MAGT1: variants seen among roughly 807,000 people sequenced by gnomAD.
MAGT1 encodes dolichyl-diphosphooligosaccharide--protein glycosyltransferase subunit MAGT1.
Under a neutral mutation model 28.4 loss-of-function variants are expected in MAGT1, and 4 were observed. That is an observed-to-expected ratio of 0.14 (90% confidence interval 0.07 to 0.32). The LOEUF is 0.32. Among genes scored for constraint, MAGT1 ranks in the 10% least tolerant of loss-of-function variants. MAGT1 has a pLI of 1.00. For synonymous variants in MAGT1, 89 were observed against 89.7 expected (o/e 0.99, Z 0.04); for missense variants, 193 against 264.5 (o/e 0.73, Z 1.88).
intron 4 of MAGT1, 44 bp downstream of exon 4, chrX:77,857,313 G>A (rs1328757410): frequency 8.3e-7 from 1 of 1,204,760 alleles, no homozygotes; most frequent in Admixed American, 2.2e-5. Flanking sequence ...AAGATTCAAA[G>A]GGGATAATGG....
chrX:77,843,133 G>C (rs2076940530), intron 7 of MAGT1, among the ~76,000 whole-genome samples: 1 of 112,318 alleles, frequency 8.9e-6, no homozygotes, highest in East Asian at 2.8e-4. Context: ...TAAGCGGAAA[G>C]GGAAAAATAT....
chrX:77,878,431 C>T (rs2077042116), intron 1 of MAGT1, among the ~76,000 whole-genome samples: 1 of 97,699 alleles, frequency 1.0e-5, no homozygotes, highest in Admixed American at 1.2e-4. Flanking sequence ...TGAGATCACG[C>T]CACTGCATTC....
chrX:77,870,934 A>G lies in MAGT1; in HGVS notation c.273-9T>C. On this transcript the variant is annotated splice_polypyrimidine_tract_variant and intron_variant, in intron 2 of 9. Transcript: ENST00000618282. Reference sequence around the variant, plus strand: ...ATTCTTCATCAGCTTGCCTGGATGCAATGAGATTCGTAAAGATAACATATA... The same window carrying G: ...ATTCTTCATCAGCTTGCCTGGATGCGATGAGATTCGTAAAGATAACATATA... 12 of 1,139,601 alleles carry G rather than the reference A, an allele frequency of 1.1e-5. No individual in the cohort carries two copies. Among genetic ancestry groups the G allele is most frequent in the Non-Finnish European group, 1.4e-5 (12 of 829,791 alleles). 93.9% of individuals were successfully genotyped at this position (1,139,601 alleles called of 1,213,427 possible).
chrX:77,856,649 T>C (rs2076982123), intron 5 of MAGT1, 84 bp downstream of exon 5: 14 of 914,706 alleles, frequency 1.5e-5, no homozygotes, highest in Non-Finnish European at 1.9e-5. Context: ...AAAATGCTAC[T>C]TCTCACATAA....
At chrX:77,854,707 T>A (rs782801892) in intron 6 of MAGT1, among the ~76,000 whole-genome samples, 1 of 108,821 alleles carries the variant, frequency 9.2e-6, no homozygotes, top group African/African-American at 3.3e-5. Context: ...CTAGAACTCC[T>A]GGATTCAAGT....
chrX:77,830,967 CT>C (rs1288164703), intron 8 of MAGT1, 72 bp from the exon 9 acceptor site: 8 of 318,754 alleles, frequency 2.5e-5, no homozygotes, highest in Admixed American at 1.2e-4. Flanking sequence ...TCTATACTTT[CT>C]TTTTTTATTT....
intron 7 of MAGT1, among the ~76,000 whole-genome samples, chrX:77,847,728 C>T (rs1398591953): frequency 9.2e-6 from 1 of 108,775 alleles, no homozygotes; most frequent in African/African-American, 3.4e-5. Context: ...CTCCTGCCTC[C>T]GTCTCCTGAG....
intron 1 of MAGT1, among the ~76,000 whole-genome samples, chrX:77,878,289 CAAAAAAAAAAAAAAA>C (rs1205547369): frequency 6.6e-5 from 1 of 15,072 alleles, no homozygotes; most frequent in African/African-American, 2.8e-4. Context: ...AACTCTGATG[CAAAAAAAAAAAAAAA>C]AAAAAAAAGA....
chrX:77,847,124 C>T (rs1321377371), intron 7 of MAGT1, among the ~76,000 whole-genome samples: 7 of 112,268 alleles, frequency 6.2e-5, no homozygotes, highest in African/African-American at 1.3e-4. Flanking sequence ...ACTCAAGCCT[C>T]GGCAATGGTG....
At chrX:77,880,617 C>T (rs1308052869) in intron 1 of MAGT1, among the ~76,000 whole-genome samples, 11 of 110,004 alleles carry the variant, frequency 1.0e-4, no homozygotes, top group Admixed American at 3.0e-4. Flanking sequence ...CACGAAAAAC[C>T]GAACACACTC....
At chrX:77,851,415 C>A (rs1376626825) in intron 7 of MAGT1, among the ~76,000 whole-genome samples, 1 of 108,625 alleles carries the variant, frequency 9.2e-6, no homozygotes, top group Non-Finnish European at 1.9e-5. Flanking sequence ...ACTCTGTTGC[C>A]CAGGATGGAG....
intron 7 of MAGT1, among the ~76,000 whole-genome samples, chrX:77,848,846 C>G (rs1438992260): frequency 9.1e-6 from 1 of 109,770 alleles, no homozygotes; most frequent in Non-Finnish European, 1.9e-5. Context: ...GACTCCATCT[C>G]TAGAAAAAAA....
At chrX:77,870,017 T>A (rs1343326134) in intron 3 of MAGT1, among the ~76,000 whole-genome samples, 5 of 112,038 alleles carry the variant, frequency 4.5e-5, no homozygotes, top group Non-Finnish European at 9.4e-5. Flanking sequence ...CATCAGCCAA[T>A]GAGTGGATAA....
Position 77,830,805 on chromosome X carries a change from C to A in MAGT1, c.992G>T (p.Ser331Ile). 9.1e-7 allele frequency: 1 copy of A among 1,102,810 alleles called. No homozygotes were observed. The highest frequency in any genetic ancestry group is 1.2e-6 in the Non-Finnish European group (1 of 812,982). The allele number at this position is 1,102,810 out of a possible 1,213,427, so 90.9% of individuals were successfully genotyped here. A position where few individuals can be genotyped will look rare whatever the true frequency, so the allele number is the denominator to read the frequency against. The stretch of plus-strand genomic sequence containing the variant: ...TATAAACAAAAAATAAGAATCATAC[C>A]TGTATGGGTAGCCATGATATTTAGA... Reference protein sequence around the residue: ...FRSKYHGYPYSFLMS With the variant: ...FRSKYHGYPYIFLMS Residue 331 changes from serine (S) to isoleucine (I), a missense_variant and splice_region_variant, in exon 9 of 10, where the codon AGC becomes ATC. Physicochemically the swap from Ser to Ile is moderately radical, Grantham distance 142. Coordinates refer to ENST00000618282, the MANE Select transcript of MAGT1 (RefSeq NM_001367916.1).
chrX:77,855,894 C>T (rs1557215932), intron 5 of MAGT1, among the ~76,000 whole-genome samples: 1 of 109,087 alleles, frequency 9.2e-6, no homozygotes, highest in Non-Finnish European at 1.9e-5. Flanking sequence ...CCTCAGCTTC[C>T]TGAGTAGCTG....
chrX:77,870,796 C>T lies in MAGT1; in HGVS notation c.390+12G>A. 1 of 1,109,762 alleles carries T rather than the reference C, an allele frequency of 9.0e-7. No individual in the cohort carries two copies. The highest frequency in any genetic ancestry group is 1.2e-6 in the Non-Finnish European group (1 of 803,194). 91.5% of individuals were successfully genotyped at this position (1,109,762 alleles called of 1,213,427 possible). On this transcript the variant is annotated intron_variant, in intron 3 of 9. Transcript: ENST00000618282. Reference sequence around the variant, plus strand: ...CCTATTTTTATATAGCAGAATAAACCAAAGATCTTACCATCTGAAATACAT... The same window carrying T: ...CCTATTTTTATATAGCAGAATAAACTAAAGATCTTACCATCTGAAATACAT...
At chrX:77,839,652 C>T (rs1315671362) in intron 8 of MAGT1, among the ~76,000 whole-genome samples, 12 of 109,285 alleles carry the variant, frequency 1.1e-4, no homozygotes, top group Admixed American at 4.9e-4. Flanking sequence ...AGATTACACA[C>T]GCACGCCACC....
intron 7 of MAGT1, among the ~76,000 whole-genome samples, chrX:77,847,398 C>T (rs782269905): frequency 2.1e-4 from 24 of 112,013 alleles, no homozygotes; most frequent in Non-Finnish European, 3.0e-4. Flanking sequence ...GGCGATGCCT[C>T]GCCCTGCTTC....
At chrX:77,841,900 C>T (rs1488448157) in intron 7 of MAGT1, among the ~76,000 whole-genome samples, 5 of 97,388 alleles carry the variant, frequency 5.1e-5, no homozygotes, top group South Asian at 5.2e-4. Flanking sequence ...ACGTTGCACA[C>T]GCTGGTCTTG....
Sources: allele counts gnomAD v4.1 joint callset (sites outside exome capture counted in the v4.1 genomes callset), GRCh38; gene constraint gnomAD v4.1.1; transcripts MANE v1.5; gene names NCBI Gene and HGNC (gene_info 2026-07-23, HGNC 2026-07-21).